RBFOX2: variants seen among roughly 807,000 people sequenced by gnomAD.
The protein encoded by RBFOX2 is RNA binding fox-1 homolog 2.
In RBFOX2, 10 loss-of-function variants were observed where a neutral mutation model predicts 49.1. The ratio of observed to expected loss-of-function variants is 0.20; its 90% confidence interval spans 0.13 to 0.35. The LOEUF (loss-of-function observed/expected upper bound fraction) is 0.35, where lower values mean the gene tolerates loss of function less well. Ranked by LOEUF, RBFOX2 falls within the 10% of genes least tolerant of loss-of-function variation. RBFOX2 has a pLI of 1.00. For synonymous variants in RBFOX2, 183 were observed against 187.4 expected (o/e 0.98, Z 0.19); for missense variants, 323 against 486.9 (o/e 0.66, Z 3.17).
At chr22:36,001,953 AC>A (rs1476585484) in intron 1 of RBFOX2, among the ~76,000 whole-genome samples, 2 of 152,096 alleles carry the variant, frequency 1.3e-5, no homozygotes, top group Non-Finnish European at 2.9e-5. Context: ...AATCCCAGCT[AC>A]TTGGGAGGCT....
intron 1 of RBFOX2, among the ~76,000 whole-genome samples, chr22:35,878,641 A>AT (rs1299353700): frequency 6.6e-6 from 1 of 152,150 alleles, no homozygotes; most frequent in East Asian, 1.9e-4. Flanking sequence ...GGGTACCACT[A>AT]TGTTGCCCAT....
intron 1 of RBFOX2, among the ~76,000 whole-genome samples, chr22:35,834,053 G>C (rs939285294): frequency 6.6e-5 from 10 of 152,294 alleles, no homozygotes; most frequent in African/African-American, 2.4e-4. Context: ...ATGAATCAGA[G>C]TCTCAACTAA....
At chr22:35,825,719 G>A (rs192972383) in intron 1 of RBFOX2, among the ~76,000 whole-genome samples, 2 of 152,002 alleles carry the variant, frequency 1.3e-5, no homozygotes, top group Non-Finnish European at 2.9e-5. Flanking sequence ...AGTGGCTCAC[G>A]CCTGTAATCC....
chr22:35,856,270 A>G (rs2042499266), intron 1 of RBFOX2, among the ~76,000 whole-genome samples: 1 of 152,170 alleles, frequency 6.6e-6, no homozygotes, highest in South Asian at 2.1e-4. Flanking sequence ...TGTTATCTGT[A>G]CACCGACATA....
chr22:35,829,767 T>C (rs1260547692), intron 1 of RBFOX2, among the ~76,000 whole-genome samples: 1 of 152,166 alleles, frequency 6.6e-6, no homozygotes, highest in Non-Finnish European at 1.5e-5. Flanking sequence ...TTTGGTATAC[T>C]TGCCATGGGT....
intron 1 of RBFOX2, among the ~76,000 whole-genome samples, chr22:35,848,128 C>T (rs1020321021): frequency 2.0e-5 from 3 of 152,140 alleles, no homozygotes; most frequent in South Asian, 4.1e-4. Context: ...ACTATAATTC[C>T]CATACTTTGC....
intron 1 of RBFOX2, among the ~76,000 whole-genome samples, chr22:35,836,890 T>G (rs1259076474): frequency 2.0e-5 from 3 of 152,244 alleles, no homozygotes; most frequent in Non-Finnish European, 2.9e-5. Context: ...CAAGAATGAT[T>G]TATCTTTCCT....
chr22:35,775,841 C>CAAAAAAAAAAA (rs753116056), intron 4 of RBFOX2, among the ~76,000 whole-genome samples: 97 of 55,958 alleles, frequency 1.7e-3, no homozygotes, highest in African/African-American at 2.0e-3. Flanking sequence ...GAATCTGCCT[C>CAAAAAAAAAAA]AAAAAAAAAA....
chr22:35,874,202 G>T (rs917001728), intron 1 of RBFOX2, among the ~76,000 whole-genome samples: 1 of 152,162 alleles, frequency 6.6e-6, no homozygotes, highest in Non-Finnish European at 1.5e-5. Context: ...CCTGCCTAGC[G>T]AAAGGCAGTA....
chr22:35,897,217 C>G, intron 1 of RBFOX2: 1 of 1,089,392 alleles, frequency 9.2e-7, no homozygotes, highest in African/African-American at 1.5e-5. Flanking sequence ...TCAAACCACA[C>G]GGGCTGACCC....
intron 4 of RBFOX2, among the ~76,000 whole-genome samples, chr22:35,777,255 G>A (rs1311079660): frequency 2.0e-5 from 3 of 151,814 alleles, no homozygotes; most frequent in East Asian, 3.9e-4. Flanking sequence ...CAGGTGATCC[G>A]CCCGCCTCAG....
intron 2 of RBFOX2, among the ~76,000 whole-genome samples, chr22:35,792,855 T>C (rs935438666): frequency 6.6e-6 from 1 of 152,268 alleles, no homozygotes; most frequent in Non-Finnish European, 1.5e-5. Flanking sequence ...ATTATGCCAT[T>C]GCATAGTATC....
At chr22:35,865,101 T>C (rs2043517975) in intron 1 of RBFOX2, among the ~76,000 whole-genome samples, 1 of 152,182 alleles carries the variant, frequency 6.6e-6, no homozygotes. Context: ...TAGATAACTT[T>C]GGAAAAATAA....
chr22:35,916,265 A>G (rs1226807897), intron 1 of RBFOX2, among the ~76,000 whole-genome samples: 1 of 152,042 alleles, frequency 6.6e-6, no homozygotes, highest in African/African-American at 2.4e-5. Flanking sequence ...CACCTTATAG[A>G]GAGAATGGGT....
At chr22:35,748,065 G>A (rs1933443112) in intron 9 of RBFOX2, 1 of 151,950 alleles carries the variant, frequency 6.6e-6, no homozygotes, top group South Asian at 2.1e-4. Flanking sequence ...AAAGCCTTTT[G>A]CTTCTTCCTT....
intron 1 of RBFOX2, among the ~76,000 whole-genome samples, chr22:35,938,279 T>C (rs937003730): frequency 3.3e-5 from 5 of 152,186 alleles, no homozygotes; most frequent in Non-Finnish European, 7.3e-5. Flanking sequence ...GCCTAAACCA[T>C]ACTGAGGGTG....
chr22:35,943,929 C>G (rs1174235484), intron 1 of RBFOX2, among the ~76,000 whole-genome samples: 1 of 152,218 alleles, frequency 6.6e-6, no homozygotes, highest in Admixed American at 6.5e-5. Flanking sequence ...TGCCAATGGA[C>G]TGTGAATGTA....
intron 1 of RBFOX2, chr22:35,897,917 T>C: frequency 1.4e-6 from 1 of 730,696 alleles, no homozygotes; most frequent in Non-Finnish European, 2.5e-6. Flanking sequence ...TGAATGAATT[T>C]TCCAACTTCA....
intron 1 of RBFOX2, among the ~76,000 whole-genome samples, chr22:35,914,831 T>C (rs1603447431): frequency 6.6e-6 from 1 of 152,342 alleles, no homozygotes; most frequent in South Asian, 2.1e-4. Context: ...CTGTGAAATA[T>C]TTCTGAACAC....
Sources: allele counts gnomAD v4.1 joint callset (sites outside exome capture counted in the v4.1 genomes callset), GRCh38; gene constraint gnomAD v4.1.1; transcripts MANE v1.5; gene names NCBI Gene and HGNC (gene_info 2026-07-23, HGNC 2026-07-21).